Variants in NKAIN2 observed in about 807,000 individuals in gnomAD.
NKAIN2 encodes the protein sodium/potassium transporting ATPase interacting 2, also known as sodium/potassium-transporting ATPase subunit beta-1-interacting protein 2.
In NKAIN2, 14 loss-of-function variants were observed where a neutral mutation model predicts 32.6. The ratio of observed to expected loss-of-function variants is 0.43; its 90% CI spans 0.28 to 0.67. The LOEUF is 0.67. Among genes scored for constraint, NKAIN2 ranks in the 30% least tolerant of loss-of-function variants. The pLI is 0.17. For synonymous variants in NKAIN2, 80 were observed against 87.2 expected, an observed-to-expected ratio of 0.92 and a Z score of 0.46; for missense variants, 198 against 258.3, an observed-to-expected ratio of 0.77 and a Z score of 1.60.
At chr6:124,627,064 G>A (rs1231266518) in intron 3 of NKAIN2, among the ~76,000 whole-genome samples, 1 of 152,156 alleles carries the variant, frequency 6.6e-6, no homozygotes, top group African/African-American at 2.4e-5. Flanking sequence ...GAGTCCAGAT[G>A]TTGGAGACCA....
In NKAIN2 at chr6:124,600,581, T is replaced by A. The variant is rs925706498; in HGVS notation, c.274-57605T>A. ...ATAATTTGCTTTGAAAGTATTTCAG[T>A]ATTGGAGGAATCCATGGGTAGCAGC... On this transcript the variant is annotated intron_variant, in intron 3 of 6. Transcript: ENST00000368417. 2.6e-5 allele frequency among the ~76,000 whole-genome samples: 4 copies of A among 152,070 alleles called. 1 individual carries two copies. In the South Asian group the frequency reaches 6.2e-4, roughly 24 times the overall value.
chr6:124,651,928 G>T (rs1784383017), intron 3 of NKAIN2, among the ~76,000 whole-genome samples: 1 of 152,080 alleles, frequency 6.6e-6, no homozygotes, highest in African/African-American at 2.4e-5. Context: ...TCCTAAAAAA[G>T]GTCTTTTATT....
At chr6:123,804,356 A>T (rs1375808847) in intron 1 of NKAIN2, 102 bp downstream of exon 1, 2 of 998,204 alleles carry the variant, frequency 2.0e-6, no homozygotes, top group African/African-American at 1.6e-5. Flanking sequence ...GACGAAAAAG[A>T]TAAAAGAGAA....
chr6:124,418,370 G>A (rs1306518977), intron 3 of NKAIN2, among the ~76,000 whole-genome samples: 4 of 151,726 alleles, frequency 2.6e-5, no homozygotes, highest in African/African-American at 9.7e-5. Context: ...CTTCCAAGAT[G>A]ATTTTCAGAT....
chr6:123,846,551 T>C (rs1424695973), intron 1 of NKAIN2, among the ~76,000 whole-genome samples: 1 of 152,228 alleles, frequency 6.6e-6, no homozygotes, highest in African/African-American at 2.4e-5. Context: ...AGAGGTGATA[T>C]TATCTCAGTT....
intron 1 of NKAIN2, among the ~76,000 whole-genome samples, chr6:123,846,969 A>C (rs976697797): frequency 6.6e-6 from 1 of 152,202 alleles, no homozygotes; most frequent in South Asian, 2.1e-4. Context: ...TCGCACATTC[A>C]GTCCAGTACT....
intron 3 of NKAIN2, among the ~76,000 whole-genome samples, chr6:124,480,223 A>G (rs1286167480): frequency 6.6e-6 from 1 of 152,160 alleles, no homozygotes; most frequent in Non-Finnish European, 1.5e-5. Flanking sequence ...TGTACAGCAC[A>G]TTGAGAGGCA....
At chr6:124,080,417 A>T (rs1783905029) in intron 1 of NKAIN2, among the ~76,000 whole-genome samples, 1 of 152,032 alleles carries the variant, frequency 6.6e-6, no homozygotes, top group African/African-American at 2.4e-5. Context: ...AATCATTTTG[A>T]TTGTCAGAGA....
At chr6:123,884,768 T>C (rs1773634083) in intron 1 of NKAIN2, among the ~76,000 whole-genome samples, 1 of 152,110 alleles carries the variant, frequency 6.6e-6, no homozygotes, top group Admixed American at 6.5e-5. Context: ...TCATTCAACA[T>C]GCTGAGATGA....
At chr6:124,127,655 TTCTAC>T (rs1786243588) in intron 1 of NKAIN2, among the ~76,000 whole-genome samples, 1 of 152,090 alleles carries the variant, frequency 6.6e-6, no homozygotes, top group Non-Finnish European at 1.5e-5. Context: ...ACATCCAAAC[TTCTAC>T]TCACTCATTA....
chr6:124,568,229 A>G (rs974675193), intron 3 of NKAIN2, among the ~76,000 whole-genome samples: 4 of 152,216 alleles, frequency 2.6e-5, no homozygotes, highest in African/African-American at 9.6e-5. Flanking sequence ...AACATAGTGA[A>G]TAGTAAAGAA....
chr6:124,723,556 A>G (rs1203930529), intron 4 of NKAIN2, among the ~76,000 whole-genome samples: 3 of 152,360 alleles, frequency 2.0e-5, no homozygotes, highest in Non-Finnish European at 4.4e-5. Flanking sequence ...TGCAGGGTAG[A>G]CAGTGCCTTA....
rs1200419590 is a variant in NKAIN2 at position 124,360,447 on chromosome 6, TATG to T, written c.273+5103_273+5105del. ...TATTGAAATGACTTAATTTCAATAA[TATG>T]ATACACAGGACTAACCCTTTTGATC... On this transcript the variant is annotated intron_variant, in intron 3 of 6. Coordinates refer to ENST00000368417, the MANE Select transcript of NKAIN2 (RefSeq NM_001040214.3). Among the ~76,000 whole-genome samples, 3 of 152,172 alleles carry T rather than the reference TATG, an allele frequency of 2.0e-5. No homozygotes were observed. In the East Asian group the frequency reaches 5.8e-4, roughly 29 times the overall value.
chr6:123,880,754 C>G (rs923870267), intron 1 of NKAIN2, among the ~76,000 whole-genome samples: 2 of 152,028 alleles, frequency 1.3e-5, no homozygotes, highest in African/African-American at 4.8e-5. Context: ...TGGTGTAATG[C>G]AAGGTTGAAG....
At chr6:124,524,102 T>C (rs369938035) in intron 3 of NKAIN2, among the ~76,000 whole-genome samples, 1 of 152,208 alleles carries the variant, frequency 6.6e-6, no homozygotes, top group East Asian at 1.9e-4. Context: ...GTGGAAGAAC[T>C]GAGTCTGTCT....
At position 124,275,446 on chromosome 6, in the gene NKAIN2, A is replaced by G. The variant is rs542514810; in HGVS notation, c.55-7559A>G. ...GAACTTATGCCAAATCTTCTCCAAT[A>G]TTTTCTTGGAAAGCTTTATTGTGAT... On this transcript the variant is annotated intron_variant, in intron 1 of 6. Coordinates refer to ENST00000368417, the MANE Select transcript of NKAIN2 (RefSeq NM_001040214.3). Among the ~76,000 whole-genome samples, 8 of 149,816 alleles carry G rather than the reference A, an allele frequency of 5.3e-5. No individual in the cohort carries two copies. The South Asian group carries it at 1.3e-3, about 24-fold the overall frequency.
chr6:124,759,237 G>A (rs1228783410), intron 4 of NKAIN2, among the ~76,000 whole-genome samples: 3 of 152,128 alleles, frequency 2.0e-5, no homozygotes, highest in Non-Finnish European at 2.9e-5. Flanking sequence ...CAAGTAGACA[G>A]CATATGGATG....
At chr6:124,549,275 G>C (rs1051374806) in intron 3 of NKAIN2, among the ~76,000 whole-genome samples, 1 of 152,194 alleles carries the variant, frequency 6.6e-6, no homozygotes, top group African/African-American at 2.4e-5. Flanking sequence ...GGCTGAGGCA[G>C]GAGAATTGCT....
chr6:124,407,196 T>G (rs1425561399), intron 3 of NKAIN2, among the ~76,000 whole-genome samples: 1 of 152,090 alleles, frequency 6.6e-6, no homozygotes, highest in Non-Finnish European at 1.5e-5. Flanking sequence ...TCTGAGCTAG[T>G]TTATTTTTAT....
Sources: gnomAD v4.1 joint callset for allele counts (sites outside exome capture counted in the v4.1 genomes callset) on GRCh38, gnomAD v4.1.1 for gene constraint, MANE v1.5 for transcripts, NCBI Gene and HGNC (gene_info 2026-07-23, HGNC 2026-07-21) for gene names.